The following PGP variants were observed in gnomAD, a reference collection of about 807,000 sequenced individuals.
PGP encodes phosphoglycolate phosphatase, also known as aspartate-based ubiquitous Mg(2+)-dependent phosphatase.
Under a neutral mutation model 19.3 loss-of-function variants are expected in PGP, and 9 were observed. The ratio of observed to expected loss-of-function variants is 0.47; its 90% confidence interval spans 0.28 to 0.81. PGP has a LOEUF of 0.81. PGP is among the 40% of genes least tolerant of loss of function. The pLI is 0.11. For missense variants in PGP, 403 were observed against 479.9 expected (o/e 0.84, Z 1.50); for synonymous variants, 308 against 226.8 (o/e 1.36, Z -3.22).
At position 2,213,649 on chromosome 16, in the gene PGP, C is replaced by T; in HGVS notation, c.*79G>A. On this transcript the variant is annotated 3_prime_UTR_variant, in exon 2 of 2. Transcript: ENST00000333503. ...TTGAAGCCACTTAGCCGAGCAGATG[C>T]TTAAGCCCCACCTATTAATTTGGGT... The T allele has an allele frequency of 1.5e-6, 2 of 1,369,072 alleles. No homozygotes were observed. The highest frequency in any genetic ancestry group is 2.0e-6 in the Non-Finnish European group (2 of 1,024,656). The allele number at this position is 1,369,072 out of a possible 1,614,324, so 84.8% of individuals were successfully genotyped here. A position where few individuals can be genotyped will look rare whatever the true frequency, so the allele number is the denominator to read the frequency against.
At position 2,212,426 on chromosome 16, in the gene PGP, G is replaced by A; in HGVS notation, c.*1302C>T. The A allele has an allele frequency of 1.0e-6, 1 of 985,778 alleles. No homozygotes were observed. Among genetic ancestry groups the A allele is most frequent in the Non-Finnish European group, 1.2e-6 (1 of 830,048 alleles). The allele number at this position is 985,778 out of a possible 1,614,324, so 61.1% of individuals were successfully genotyped here. A position where few individuals can be genotyped will look rare whatever the true frequency, so the allele number is the denominator to read the frequency against. ...AGGTGCAGCATCCCGGGATGGCCCT[G>A]CTGAGTCTGCTGTCAGGCCTGTGAA... On this transcript the variant is annotated 3_prime_UTR_variant, in exon 2 of 2. Transcript: ENST00000333503.
Position 2,214,434 on chromosome 16 carries a change from C to A in PGP, c.344G>T (p.Gly115Val). 7.5e-7 allele frequency: 1 copy of A among 1,329,076 alleles called. No homozygotes were observed. The highest frequency in any genetic ancestry group is 9.5e-7 in the Non-Finnish European group (1 of 1,048,712). 82.3% of individuals were successfully genotyped at this position (1,329,076 alleles called of 1,614,324 possible). ...CACGTAGGCCTTGGGCGCGGGGGCG[C>A]CGGCCAGGCGCTGGCGCAGGTAGAG... ...TALYLRQRLA[G>V]APAPKAYVLG... The change falls in exon 1 of 2, where the codon GGC becomes GTC. Residue 115 changes from glycine (G) to valine (V), a missense_variant. Gly to Val is a moderately radical substitution (Grantham distance 109, BLOSUM62 -3). Coordinates refer to ENST00000333503, the MANE Select transcript of PGP (RefSeq NM_001042371.3). The surrounding 1 kb of genome is among the most constrained non-coding windows in gnomAD (Gnocchi z 7.1).
At position 2,214,009 on chromosome 16, in the gene PGP, G is replaced by A. The variant is rs1283710084; in HGVS notation, c.685C>T (p.Gln229Ter). 6 of 1,604,054 alleles carry A rather than the reference G, an allele frequency of 3.7e-6. No homozygotes were observed. The highest frequency in any genetic ancestry group is 5.1e-6 in the Non-Finnish European group (6 of 1,174,032). Residue 229 changes from glutamine (Q) to a stop codon, truncating the protein, a stop_gained, in exon 2 of 2, where the codon CAG becomes TAG. Coordinates refer to ENST00000333503, the MANE Select transcript of PGP (RefSeq NM_001042371.3). LOFTEE classifies it high-confidence loss of function. This position sits in a 1 kb window ranked among gnomAD's most constrained non-coding sequence, Gnocchi z 7.1. Reference sequence around the variant, plus strand: ...CTGGGCTTCCCGATGATGTCGGCCTGGCGCTGGGCGGCCATCTCCACGGCT... The same window carrying A: ...CTGGGCTTCCCGATGATGTCGGCCTAGCGCTGGGCGGCCATCTCCACGGCT... ...VRAVEMAAQR[Q>*]ADIIGKPSRF... is the part of the protein sequence containing the mutation.
chr16:2,213,630 C>T lies in PGP; in HGVS notation c.*98G>A. 1 of 1,194,874 alleles carries T rather than the reference C, an allele frequency of 8.4e-7. No individual in the cohort carries two copies. The highest frequency in any genetic ancestry group is 1.1e-6 in the Non-Finnish European group (1 of 876,996). 74.0% of individuals were successfully genotyped at this position (1,194,874 alleles called of 1,614,324 possible). ...TTAACTCCAATTACACTCTTTGAAGCCACTTAGCCGAGCAGATGCTTAAGC... is the reference window on the plus strand; with the variant it reads ...TTAACTCCAATTACACTCTTTGAAGTCACTTAGCCGAGCAGATGCTTAAGC... On this transcript the variant is annotated 3_prime_UTR_variant, in exon 2 of 2. Coordinates refer to ENST00000333503, the MANE Select transcript of PGP (RefSeq NM_001042371.3).
Position 2,212,001 on chromosome 16 carries a change from T to C in PGP, c.*1727A>G, listed in dbSNP as rs1567286998. ...GCAAGGACACCTGAGCCAGTGTGGG[T>C]TTGAGAGTTTAATCTGTGCTCTGGC... On this transcript the variant is annotated 3_prime_UTR_variant, in exon 2 of 2. Coordinates refer to ENST00000333503, the MANE Select transcript of PGP (RefSeq NM_001042371.3). The C allele has an allele frequency of 1.9e-5, 19 of 985,378 alleles. No homozygotes were observed. The highest frequency in any genetic ancestry group is 2.3e-5 in the Non-Finnish European group (19 of 829,942). The allele number at this position is 985,378 out of a possible 1,614,324, so 61.0% of individuals were successfully genotyped here.
At position 2,212,469 on chromosome 16, in the gene PGP, G is replaced by A. The variant is rs2093377934; in HGVS notation, c.*1259C>T. ...CCTGTGAAAGGTCAGCAGAGCCAAG[G>A]AGCAGGCAGGAGAGGCTGGAGCCCC... is the stretch of plus-strand genomic sequence containing the variant. On this transcript the variant is annotated 3_prime_UTR_variant, in exon 2 of 2. Transcript: ENST00000333503. 1 of 985,646 alleles carries A rather than the reference G, an allele frequency of 1.0e-6. No individual in the cohort carries two copies. Among genetic ancestry groups the A allele is most frequent in the Non-Finnish European group, 1.2e-6 (1 of 830,014 alleles). 61.1% of individuals were successfully genotyped at this position (985,646 alleles called of 1,614,324 possible). A position where few individuals can be genotyped will look rare whatever the true frequency, so the allele number is the denominator to read the frequency against.
chr16:2,213,938 G>C lies in PGP; in HGVS notation c.756C>G (p.Pro252=), dbSNP rs377475826. The stretch of plus-strand genomic sequence containing the variant: ...GGTCTCCCACCATGACGGTGCGCTC[G>C]GGGTTGATGCCGTATTCCTGGGACA... ...DCVSQEYGIN[P]ERTVMVGDRL... is the part of the protein sequence containing the mutation. The change falls in exon 2 of 2, where the codon CCC becomes CCG. Residue 252 remains proline, a synonymous_variant. Transcript: ENST00000333503. The C allele has an allele frequency of 5.6e-6, 9 of 1,612,832 alleles. No individual in the cohort carries two copies. In the African/African-American group the frequency reaches 1.1e-4, roughly 19 times the overall value.
chr16:2,214,067 G>A lies in PGP; in HGVS notation c.641-14C>T, dbSNP rs772106655. The A allele has an allele frequency of 2.5e-6, 4 of 1,598,546 alleles. No individual in the cohort carries two copies. In the Admixed American group the frequency reaches 6.7e-5, roughly 27 times the overall value. On this transcript the variant is annotated splice_polypyrimidine_tract_variant and intron_variant, in intron 1 of 1. Coordinates refer to ENST00000333503, the MANE Select transcript of PGP (RefSeq NM_001042371.3). The surrounding 1 kb of genome is among the most constrained non-coding windows in gnomAD (Gnocchi z 7.1). ...GACACCCGGTACCTGCGGGGCACAG[G>A]GGACCGGGTCAAAGGGCAGGGAGGG... is the stretch of plus-strand genomic sequence containing the variant.
chr16:2,211,953 A>G lies in PGP; in HGVS notation c.*1775T>C. ...CTCCCACCCGTGGTGAGACGGCATC[A>G]CCCGGGCCAATGCAAGGTGAGAGCA... On this transcript the variant is annotated 3_prime_UTR_variant, in exon 2 of 2. Coordinates refer to ENST00000333503, the MANE Select transcript of PGP (RefSeq NM_001042371.3). 1 of 985,536 alleles carries G rather than the reference A, an allele frequency of 1.0e-6. No individual in the cohort carries two copies. Among genetic ancestry groups the G allele is most frequent in the Non-Finnish European group, 1.2e-6 (1 of 829,994 alleles). 61.0% of individuals were successfully genotyped at this position (985,536 alleles called of 1,614,324 possible).
At position 2,213,575 on chromosome 16, in the gene PGP, A is replaced by G; in HGVS notation, c.*153T>C. 2.7e-6 allele frequency: 2 copies of G among 748,042 alleles called. No individual in the cohort carries two copies. The highest frequency in any genetic ancestry group is 3.9e-6 in the Non-Finnish European group (2 of 510,362). The allele number at this position is 748,042 out of a possible 1,614,324, so 46.3% of individuals were successfully genotyped here. ...AAACAAAATCGTCCCCCAAACGTGTACTTACAAGGTTAACAATGAATGCCT... is the reference window on the plus strand; with the variant it reads ...AAACAAAATCGTCCCCCAAACGTGTGCTTACAAGGTTAACAATGAATGCCT... On this transcript the variant is annotated 3_prime_UTR_variant, in exon 2 of 2. Transcript: ENST00000333503.
At position 2,214,214 on chromosome 16, in the gene PGP, C is replaced by G. The variant is rs1325959256; in HGVS notation, c.564G>C (p.Leu188=). Residue 188 remains leucine, a synonymous_variant, in exon 1 of 2, where the codon CTG becomes CTC. Transcript: ENST00000333503. The surrounding 1 kb of genome is among the most constrained non-coding windows in gnomAD (Gnocchi z 7.1). ...YMKLTKALRY[L]QQPGCLLVGT... ...CCACGAGCAGGCAGCCGGGCTGCTG[C>G]AGGTAGCGCAGGGCCTTGGTGAGCT... The G allele has an allele frequency of 1.3e-6, 2 of 1,595,568 alleles. No homozygotes were observed. The highest frequency in any genetic ancestry group is 2.2e-5 in the South Asian group (2 of 90,514).
chr16:2,211,921 T>G lies in PGP; in HGVS notation c.*1807A>C, dbSNP rs2093376342. On this transcript the variant is annotated 3_prime_UTR_variant, in exon 2 of 2. Coordinates refer to ENST00000333503, the MANE Select transcript of PGP (RefSeq NM_001042371.3). Reference sequence around the variant, plus strand: ...TTGGAACCCCAGTTACCCATCTACTTTGAGTCCTCCCACCCGTGGTGAGAC... The same window carrying G: ...TTGGAACCCCAGTTACCCATCTACTGTGAGTCCTCCCACCCGTGGTGAGAC... The G allele has an allele frequency of 1.0e-6, 1 of 985,388 alleles. No homozygotes were observed. The highest frequency in any genetic ancestry group is 1.7e-5 in the African/African-American group (1 of 57,250). The allele number at this position is 985,388 out of a possible 1,614,324, so 61.0% of individuals were successfully genotyped here.
In PGP at chr16:2,213,691, CTT is replaced by C. The variant is rs753280948; in HGVS notation, c.*35_*36del. The C allele has an allele frequency of 1.4e-6, 2 of 1,465,976 alleles. No individual in the cohort carries two copies. The highest frequency in any genetic ancestry group is 2.5e-5 in the Admixed American group (1 of 40,500). 90.8% of individuals were successfully genotyped at this position (1,465,976 alleles called of 1,614,324 possible). A position where few individuals can be genotyped will look rare whatever the true frequency, so the allele number is the denominator to read the frequency against. ...AATTTGGGTAACTGGTTTTCAATTT[CTT>C]TTTTTTTATTCTGCAGATTAAAGAC... On this transcript the variant is annotated 3_prime_UTR_variant, in exon 2 of 2. Coordinates refer to ENST00000333503, the MANE Select transcript of PGP (RefSeq NM_001042371.3).
Position 2,213,809 on chromosome 16 carries a change from A to G in PGP, c.885T>C (p.Ser295=), listed in dbSNP as rs1391671784. The change falls in exon 2 of 2, where the codon AGT becomes AGC. Residue 295 remains serine, a synonymous_variant. Coordinates refer to ENST00000333503, the MANE Select transcript of PGP (RefSeq NM_001042371.3). ...CCATTTTCTTCTTAGACACGCAGTCACTTTCCTGATTATTCTTCACATCCC... is the reference window on the plus strand; with the variant it reads ...CCATTTTCTTCTTAGACACGCAGTCGCTTTCCTGATTATTCTTCACATCCC... ...TLGDVKNNQE[S]DCVSKKKMVP... 6.2e-7 allele frequency: 1 copy of G among 1,604,746 alleles called. No individual in the cohort carries two copies. Among genetic ancestry groups the G allele is most frequent in the Non-Finnish European group, 8.5e-7 (1 of 1,172,892 alleles).
chr16:2,213,509 C>T lies in PGP; in HGVS notation c.*219G>A. 2 of 651,082 alleles carry T rather than the reference C, an allele frequency of 3.1e-6. No individual in the cohort carries two copies. The highest frequency in any genetic ancestry group is 6.5e-5 in the South Asian group (2 of 30,706). The allele number at this position is 651,082 out of a possible 1,614,324, so 40.3% of individuals were successfully genotyped here. A position where few individuals can be genotyped will look rare whatever the true frequency, so the allele number is the denominator to read the frequency against. On this transcript the variant is annotated 3_prime_UTR_variant, in exon 2 of 2. Transcript: ENST00000333503. ...AGGCCCAGAACCCAGCCCACAACGC[C>T]TTCCAAGCCTAAAAGTGCATCTTCG...
Position 2,212,329 on chromosome 16 carries a change from A to G in PGP, c.*1399T>C, listed in dbSNP as rs987407636. The G allele has an allele frequency of 3.0e-6, 3 of 986,112 alleles. No homozygotes were observed. Among genetic ancestry groups the G allele is most frequent in the East Asian group, 1.1e-4 (1 of 8,822 alleles). 61.1% of individuals were successfully genotyped at this position (986,112 alleles called of 1,614,324 possible). A position where few individuals can be genotyped will look rare whatever the true frequency, so the allele number is the denominator to read the frequency against. On this transcript the variant is annotated 3_prime_UTR_variant, in exon 2 of 2. Transcript: ENST00000333503. ...CTCTGAAGTCTTTGTGACCAAGTGG[A>G]GTGCTGTGACTGTGGGGCCAAGAGA...
chr16:2,214,363 C>A lies in PGP; in HGVS notation c.415G>T (p.Ala139Ser). 6.7e-7 allele frequency: 1 copy of A among 1,497,250 alleles called. No individual in the cohort carries two copies. Among genetic ancestry groups the A allele is most frequent in the Non-Finnish European group, 8.8e-7 (1 of 1,131,494 alleles). The allele number at this position is 1,497,250 out of a possible 1,614,324, so 92.7% of individuals were successfully genotyped here. A position where few individuals can be genotyped will look rare whatever the true frequency, so the allele number is the denominator to read the frequency against. Residue 139 changes from alanine (A) to serine (S), a missense_variant, in exon 1 of 2, where the codon GCC becomes TCC. Physicochemically the swap from Ala to Ser is moderately conservative, Grantham distance 99. Coordinates refer to ENST00000333503, the MANE Select transcript of PGP (RefSeq NM_001042371.3). The surrounding 1 kb of genome is among the most constrained non-coding windows in gnomAD (Gnocchi z 7.1). ...GGCTCGGGCCCCACGCCCACGCTGG[C>A]GACGCCCACGGCCTCCAGCTCCGCG... ...LAAELEAVGV[A>S]SVGVGPEPLQ...
Position 2,214,244 on chromosome 16 carries a change from G to C in PGP, c.534C>G (p.Tyr178Ter). The change falls in exon 1 of 2, where the codon TAC (tyrosine) becomes TAG (stop). Residue 178 changes from tyrosine (Y) to a stop codon, truncating the protein, a stop_gained. Coordinates refer to ENST00000333503, the MANE Select transcript of PGP (RefSeq NM_001042371.3). LOFTEE classifies it high-confidence loss of function. This position sits in a 1 kb window ranked among gnomAD's most constrained non-coding sequence, Gnocchi z 7.1. ...VVVGFDPHFS[Y>*]MKLTKALRYL... ...AGCGCAGGGCCTTGGTGAGCTTCATGTAGCTGAAGTGCGGGTCAAAGCCCA... is the reference window on the plus strand; with the variant it reads ...AGCGCAGGGCCTTGGTGAGCTTCATCTAGCTGAAGTGCGGGTCAAAGCCCA... The C allele has an allele frequency of 6.3e-7, 1 of 1,591,892 alleles. No homozygotes were observed. The highest frequency in any genetic ancestry group is 8.5e-7 in the Non-Finnish European group (1 of 1,177,348).
chr16:2,212,143 T>C lies in PGP; in HGVS notation c.*1585A>G. The C allele has an allele frequency of 1.0e-6, 1 of 985,686 alleles. No homozygotes were observed. The highest frequency in any genetic ancestry group is 1.2e-6 in the Non-Finnish European group (1 of 829,954). 61.1% of individuals were successfully genotyped at this position (985,686 alleles called of 1,614,324 possible). ...ATCTGCCATGCGCTCCTGGTGTGAC[T>C]GCACCCTGTCAGGCCAGACCCGGCT... On this transcript the variant is annotated 3_prime_UTR_variant, in exon 2 of 2. Coordinates refer to ENST00000333503, the MANE Select transcript of PGP (RefSeq NM_001042371.3).
Sources: allele counts gnomAD v4.1 joint callset, GRCh38; gene constraint gnomAD v4.1.1; non-coding constraint Gnocchi (gnomAD v3.1); transcripts MANE v1.5; gene names NCBI Gene and HGNC (gene_info 2026-07-23, HGNC 2026-07-21).